The following PRMT7 variants were observed in gnomAD, a reference collection of about 807,000 sequenced individuals.
The protein encoded by PRMT7 is protein arginine methyltransferase 7.
PRMT7 carries 75 observed loss-of-function variants against 85.4 expected under a neutral mutation model. That is an observed-to-expected ratio of 0.88 (90% CI 0.73 to 1.06). PRMT7 has a LOEUF of 1.06. Among genes scored for constraint, PRMT7 ranks in the 50% least tolerant of loss-of-function variants. The probability of loss-of-function intolerance (pLI) is 0.00; values close to 1 mark genes in which losing one functional copy is unlikely to be tolerated. For synonymous variants in PRMT7, 397 were observed against 359.5 expected, an observed-to-expected ratio of 1.10 and a Z score of -1.18; for missense variants, 868 against 915.2, an observed-to-expected ratio of 0.95 and a Z score of 0.67.
chr16:68,319,456 G>T (rs1165012163), intron 3 of PRMT7, among the ~76,000 whole-genome samples: 1 of 151,978 alleles, frequency 6.6e-6, no homozygotes, highest in Admixed American at 6.6e-5. Context: ...TCAGTGGAGT[G>T]GTGGGCAGTA....
Position 68,349,768 on chromosome 16 carries a change from C to T in PRMT7, c.1413+1337C>T, listed in dbSNP as rs116755585. ...AATTAACCGAGTGTGGTGGCACGTGCCTGTAGTCCCAGGAGGCTGAGGTGG... is the reference window on the plus strand; with the variant it reads ...AATTAACCGAGTGTGGTGGCACGTGTCTGTAGTCCCAGGAGGCTGAGGTGG... On this transcript the variant is annotated intron_variant, in intron 14 of 18. Transcript: ENST00000441236. Among the ~76,000 whole-genome samples, 1,051 of 152,144 alleles carry T rather than the reference C, an allele frequency of 6.9e-3. 19 individuals carry two copies. Among genetic ancestry groups the T allele is most frequent in the African/African-American group, 0.024 (996 of 41,472 alleles).
chr16:68,345,756 G>A lies in PRMT7; in HGVS notation c.1009G>A (p.Ala337Thr), dbSNP rs1249905566. ...VVQGSALYLV[A>T]HHDDYCVWYS... The stretch of plus-strand genomic sequence containing the variant: ...GCAGGGCTCAGCGCTCTATCTGGTA[G>A]CCCACCACGATGACTACTGCGTATG... The change falls in exon 10 of 19, where the codon GCC (alanine) becomes ACC (threonine). Residue 337 changes from alanine (A) to threonine (T), a missense_variant. Coordinates refer to ENST00000441236, the MANE Select transcript of PRMT7 (RefSeq NM_019023.5). 3 of 1,614,016 alleles carry A rather than the reference G, an allele frequency of 1.9e-6. No homozygotes were observed. The highest frequency in any genetic ancestry group is 1.1e-5 in the South Asian group (1 of 91,088).
intron 9 of PRMT7, among the ~76,000 whole-genome samples, chr16:68,344,494 A>T (rs987361285): frequency 2.0e-5 from 3 of 152,146 alleles, no homozygotes; most frequent in Admixed American, 6.5e-5. Context: ...GTCTGTCCGT[A>T]TTCTGCACGA....
In PRMT7 at chr16:68,346,294, C is replaced by CCCTT. The variant is rs1567718536; in HGVS notation, c.1191+15_1191+18dup. The CCCTT allele has an allele frequency of 6.2e-7, 1 of 1,613,148 alleles. No individual in the cohort carries two copies. Among genetic ancestry groups the CCCTT allele is most frequent in the South Asian group, 1.1e-5 (1 of 91,070 alleles). On this transcript the variant is annotated intron_variant, in intron 11 of 18. Coordinates refer to ENST00000441236, the MANE Select transcript of PRMT7 (RefSeq NM_019023.5). The stretch of plus-strand genomic sequence containing the variant: ...GCTCTGAGGACCGTAAGTGTCCAGC[C>CCCTT]CCTTGGCTTGTTGTGGGGAAAAGGG...
chr16:68,322,950 C>T (rs1047976063), intron 4 of PRMT7, among the ~76,000 whole-genome samples: 5 of 151,774 alleles, frequency 3.3e-5, no homozygotes, highest in African/African-American at 9.7e-5. Flanking sequence ...GGGAGAATGG[C>T]GTGAATCTGG....
At chr16:68,349,408 T>G (rs1243588646) in intron 14 of PRMT7, among the ~76,000 whole-genome samples, 1 of 152,180 alleles carries the variant, frequency 6.6e-6, no homozygotes, top group Non-Finnish European at 1.5e-5. Flanking sequence ...CTGTCACCTT[T>G]CCTTGAATAT....
At chr16:68,350,377 C>T (rs538126609) in intron 14 of PRMT7, among the ~76,000 whole-genome samples, 1 of 151,858 alleles carries the variant, frequency 6.6e-6, no homozygotes, top group South Asian at 2.1e-4. Flanking sequence ...TTTGACATCC[C>T]CATCGGTAAC....
intron 13 of PRMT7, among the ~76,000 whole-genome samples, chr16:68,347,886 TTG>T (rs991113775): frequency 2.0e-5 from 3 of 152,228 alleles, no homozygotes; most frequent in African/African-American, 7.2e-5. Flanking sequence ...CTTTGTTTTT[TTG>T]TGTCTGAAGA....
In PRMT7 at chr16:68,333,013, T is replaced by G. The variant is rs368919314; in HGVS notation, c.391+3839T>G. On this transcript the variant is annotated intron_variant, in intron 6 of 18. Coordinates refer to ENST00000441236, the MANE Select transcript of PRMT7 (RefSeq NM_019023.5). ...ATTGATTCATTTATTTATTTTTTTT[T>G]GAGACAGTCTCACTCTGTTGCCTAG... is the stretch of plus-strand genomic sequence containing the variant. 4.4e-3 allele frequency among the ~76,000 whole-genome samples: 663 copies of G among 152,244 alleles called. 8 individuals carry two copies. Among genetic ancestry groups the G allele is most frequent in the African/African-American group, 0.015 (614 of 41,542 alleles).
At chr16:68,336,700 T>C (rs566912709) in intron 6 of PRMT7, among the ~76,000 whole-genome samples, 3 of 152,334 alleles carry the variant, frequency 2.0e-5, no homozygotes, top group Admixed American at 6.5e-5. Context: ...ATTTTCTGTT[T>C]ATATTTTTAC....
intron 5 of PRMT7, chr16:68,328,101 A>G (rs974298425): frequency 7.3e-5 from 22 of 300,054 alleles, no homozygotes; most frequent in Admixed American, 6.8e-4. Context: ...AAACCTGGTC[A>G]TAGGTAAGCT....
intron 16 of PRMT7, chr16:68,355,466 A>G: frequency 2.6e-6 from 1 of 379,134 alleles, no homozygotes; most frequent in Non-Finnish European, 4.7e-6. Context: ...TGTGGTCCTC[A>G]GAAGGCTTGA....
At chr16:68,356,261 G>A (rs2088430749) in intron 17 of PRMT7, among the ~76,000 whole-genome samples, 1 of 152,258 alleles carries the variant, frequency 6.6e-6, no homozygotes, top group South Asian at 2.1e-4. Context: ...GGGCAGCCCT[G>A]TCCTGCTCCG....
chr16:68,356,838 G>A (rs767576423), intron 18 of PRMT7, 41 bp downstream of exon 18: 13 of 1,562,484 alleles, frequency 8.3e-6, no homozygotes, highest in Non-Finnish European at 1.0e-5. Flanking sequence ...TGCAGACCCT[G>A]AGAGCAGGCG....
intron 9 of PRMT7, among the ~76,000 whole-genome samples, chr16:68,343,866 T>G (rs1169051316): frequency 6.6e-6 from 1 of 152,232 alleles, no homozygotes; most frequent in Admixed American, 6.5e-5. Flanking sequence ...GTGGGCACAT[T>G]CCTTACCTGT....
intron 5 of PRMT7, among the ~76,000 whole-genome samples, chr16:68,325,437 C>T (rs1267031491): frequency 6.6e-6 from 1 of 152,092 alleles, no homozygotes; most frequent in Non-Finnish European, 1.5e-5. Context: ...TATTTAAATA[C>T]ATGCCCCCAC....
At chr16:68,323,469 C>T (rs1424340894) in intron 4 of PRMT7, among the ~76,000 whole-genome samples, 4 of 152,182 alleles carry the variant, frequency 2.6e-5, no homozygotes, top group Admixed American at 6.5e-5. Flanking sequence ...ATCCACCCGC[C>T]TCAGCCTCCC....
chr16:68,353,447 G>A (rs1255837892), intron 15 of PRMT7, 45 bp from the exon 16 acceptor site: 4 of 1,608,812 alleles, frequency 2.5e-6, no homozygotes, highest in East Asian at 2.2e-5. Context: ...ACGCTTCCCT[G>A]TGTCCTGGCG....
At chr16:68,313,301 A>G (rs765705544) in intron 2 of PRMT7, among the ~76,000 whole-genome samples, 1 of 152,204 alleles carries the variant, frequency 6.6e-6, no homozygotes, top group Non-Finnish European at 1.5e-5. Context: ...ACACAGGCAC[A>G]TGAACACCCA....
Sources: gnomAD v4.1 joint callset for allele counts (sites outside exome capture counted in the v4.1 genomes callset) on GRCh38, gnomAD v4.1.1 for gene constraint, MANE v1.5 for transcripts, NCBI Gene and HGNC (gene_info 2026-07-23, HGNC 2026-07-21) for gene names.